Variants in DPF3 observed in about 807,000 individuals in gnomAD.
The protein encoded by DPF3 is zinc finger protein DPF3.
A neutral mutation model predicts 56.8 loss-of-function variants in DPF3; 18 were observed. The ratio of observed to expected loss-of-function variants is 0.32; its 90% CI spans 0.22 to 0.47. DPF3 has a LOEUF of 0.47. Among genes scored for constraint, DPF3 ranks in the 20% least tolerant of loss-of-function variants. DPF3 has a pLI of 1.00. For synonymous variants in DPF3, 188 were observed against 180.2 expected (o/e 1.04, Z -0.35); for missense variants, 403 against 488.8 (o/e 0.82, Z 1.65).
chr14:72,683,554 T>C (rs1307659220), intron 7 of DPF3, among the ~76,000 whole-genome samples: 3 of 152,138 alleles, frequency 2.0e-5, no homozygotes, highest in Non-Finnish European at 4.4e-5. Context: ...AATGATCTGA[T>C]GTTACATAGT....
Position 72,775,703 on chromosome 14 carries a change from A to T in DPF3, c.33-3810T>A, listed in dbSNP as rs539205650. On this transcript the variant is annotated intron_variant, in intron 1 of 10. Transcript: ENST00000556509. ...AAGCTGCAAAAACATGACATTCAAC[A>T]GCCCCTCTACCATCATCTCCAGGGA... is the stretch of plus-strand genomic sequence containing the variant. 2.9e-3 allele frequency among the ~76,000 whole-genome samples: 442 copies of T among 152,302 alleles called. 3 individuals carry two copies. Among genetic ancestry groups the T allele is most frequent in the South Asian group, 0.022 (106 of 4,816 alleles).
chr14:72,843,052 T>G (rs1312527117), intron 1 of DPF3, among the ~76,000 whole-genome samples: 4 of 151,962 alleles, frequency 2.6e-5, no homozygotes, highest in African/African-American at 7.3e-5. Context: ...TAAACATGAT[T>G]AAGGATAAAG....
At chr14:72,819,197 C>T (rs1883421338) in intron 1 of DPF3, among the ~76,000 whole-genome samples, 1 of 152,208 alleles carries the variant, frequency 6.6e-6, no homozygotes, top group Non-Finnish European at 1.5e-5. Flanking sequence ...CTGGTAATGT[C>T]ACCTGCTGGT....
In DPF3 at chr14:72,765,870, C is replaced by T. The variant is rs564691093; in HGVS notation, c.193+5863G>A. 4.8e-4 allele frequency among the ~76,000 whole-genome samples: 73 copies of T among 152,040 alleles called. 1 individual carries two copies. The highest frequency in any genetic ancestry group is 3.1e-3 in the East Asian group (16 of 5,158). On this transcript the variant is annotated intron_variant, in intron 2 of 10. Coordinates refer to ENST00000556509, the MANE Select transcript of DPF3 (RefSeq NM_001280542.3). ...CGGAGCTTGCAGTGAGCAGAGATTGCGCCACTGCACTCCAGCCTGGGCAAC... is the reference window on the plus strand; with the variant it reads ...CGGAGCTTGCAGTGAGCAGAGATTGTGCCACTGCACTCCAGCCTGGGCAAC...
At position 72,614,784 on chromosome 14, in the gene DPF3, A is replaced by AAAAAAAAAAAAG. The variant is rs1883984378; in HGVS notation, c.*4512_*4513insCTTTTTTTTTTT. ...CCAGGATCACAAGCCTCAGAAAAAA[A>AAAAAAAAAAAAG]AAAAAGAGTTACAATCACTGTTCAC... On this transcript the variant is annotated 3_prime_UTR_variant, in exon 11 of 11. Coordinates refer to ENST00000556509, the MANE Select transcript of DPF3 (RefSeq NM_001280542.3). 2.0e-5 allele frequency among the ~76,000 whole-genome samples: 3 copies of AAAAAAAAAAAAG among 150,754 alleles called. No homozygotes were observed. Among genetic ancestry groups the AAAAAAAAAAAAG allele is most frequent in the Admixed American group, 6.6e-5 (1 of 15,162 alleles).
At chr14:72,839,302 TC>T (rs1367079539) in intron 1 of DPF3, among the ~76,000 whole-genome samples, 2 of 152,106 alleles carry the variant, frequency 1.3e-5, no homozygotes, top group Non-Finnish European at 2.9e-5. Context: ...AAAGAGGGAC[TC>T]CCAAGTAATA....
rs867810881 is a variant in DPF3 at position 72,885,601 on chromosome 14, A to C, written c.32+8456T>G. Among the ~76,000 whole-genome samples the C allele has an allele frequency of 4.0e-5, 6 of 151,810 alleles. No homozygotes were observed. In the Middle Eastern group the frequency reaches 0.014, roughly 344 times the overall value. On this transcript the variant is annotated intron_variant, in intron 1 of 10. Coordinates refer to ENST00000556509, the MANE Select transcript of DPF3 (RefSeq NM_001280542.3). Reference sequence around the variant, plus strand: ...TTATTTTTTGTAGCGACAGGGTCTCATGATATGTCCAGGCTGGTCTTGAAT... The same window carrying C: ...TTATTTTTTGTAGCGACAGGGTCTCCTGATATGTCCAGGCTGGTCTTGAAT...
At chr14:72,755,505 C>A (rs1319224080) in intron 2 of DPF3, among the ~76,000 whole-genome samples, 5 of 152,158 alleles carry the variant, frequency 3.3e-5, no homozygotes, top group African/African-American at 1.2e-4. Flanking sequence ...CCTTTCTGAG[C>A]CTATTGCCTC....
intron 2 of DPF3, among the ~76,000 whole-genome samples, chr14:72,765,588 T>C (rs947375846): frequency 1.5e-4 from 23 of 152,186 alleles, no homozygotes; most frequent in Non-Finnish European, 3.1e-4. Context: ...AAAGGAATTA[T>C]TGATATAGTA....
intron 5 of DPF3, among the ~76,000 whole-genome samples, chr14:72,722,205 A>G (rs935554541): frequency 6.6e-6 from 1 of 152,332 alleles, no homozygotes; most frequent in Non-Finnish European, 1.5e-5. Flanking sequence ...TCAAACAAAC[A>G]CAAATCAACA....
At chr14:72,692,930 TG>T in intron 7 of DPF3, 145 bp downstream of exon 7, 4 of 1,396,126 alleles carry the variant, frequency 2.9e-6, no homozygotes, top group Non-Finnish European at 3.9e-6. Context: ...GCTGGCTGGC[TG>T]AAAGGGCCAA....
Position 72,756,163 on chromosome 14 carries a change from T to A in DPF3, c.194-2792A>T, listed in dbSNP as rs1179678824. Reference sequence around the variant, plus strand: ...GACAAGAGGGGAAACCAGTCCTCCCTGGTAACCAAGGCCACTGCCACCCCT... The same window carrying A: ...GACAAGAGGGGAAACCAGTCCTCCCAGGTAACCAAGGCCACTGCCACCCCT... On this transcript the variant is annotated intron_variant, in intron 2 of 10. Coordinates refer to ENST00000556509, the MANE Select transcript of DPF3 (RefSeq NM_001280542.3). Among the ~76,000 whole-genome samples the A allele has an allele frequency of 1.3e-5, 2 of 152,154 alleles. 1 individual carries two copies. Among genetic ancestry groups the A allele is most frequent in the Admixed American group, 1.3e-4 (2 of 15,280 alleles).
At chr14:72,856,932 A>G (rs1424862312) in intron 1 of DPF3, among the ~76,000 whole-genome samples, 1 of 152,212 alleles carries the variant, frequency 6.6e-6, no homozygotes, top group Non-Finnish European at 1.5e-5. Context: ...GGGAAGTGCC[A>G]GCCATCCTGG....
chr14:72,884,923 C>T (rs111445181), intron 1 of DPF3, among the ~76,000 whole-genome samples: 1 of 54,968 alleles, frequency 1.8e-5, no homozygotes, highest in Middle Eastern at 0.013. Flanking sequence ...GGTGAAACCC[C>T]GTCTCTACTA....
At chr14:72,873,358 CA>C (rs1567266343) in intron 1 of DPF3, among the ~76,000 whole-genome samples, 1 of 152,180 alleles carries the variant, frequency 6.6e-6, no homozygotes, top group Admixed American at 6.5e-5. Flanking sequence ...AAATGCAAAT[CA>C]AAACCACAAT....
At chr14:72,861,747 G>GAGAAAGAAAGA (rs1555513990) in intron 1 of DPF3, among the ~76,000 whole-genome samples, 1 of 15,624 alleles carries the variant, frequency 6.4e-5, no homozygotes, top group Non-Finnish European at 1.3e-4. Flanking sequence ...GAGAAAGAAA[G>GAGAAAGAAAGA]AAAGAAAGAA....
intron 6 of DPF3, among the ~76,000 whole-genome samples, chr14:72,706,656 AACCTGGCAGACCC>A (rs1207437294): frequency 6.6e-6 from 1 of 152,124 alleles, no homozygotes; most frequent in Non-Finnish European, 1.5e-5. Flanking sequence ...AGCTCTCTGC[AACCTGGCAGACCC>A]ATCAGGCTCC....
intron 3 of DPF3, among the ~76,000 whole-genome samples, chr14:72,746,285 G>A (rs539967447): frequency 6.6e-6 from 1 of 152,326 alleles, no homozygotes; most frequent in East Asian, 1.9e-4. Flanking sequence ...GATGGGCCCT[G>A]GCTGCTTGGA....
chr14:72,781,247 C>T (rs1567230852), intron 1 of DPF3, among the ~76,000 whole-genome samples: 2 of 152,172 alleles, frequency 1.3e-5, no homozygotes, highest in Admixed American at 6.5e-5. Flanking sequence ...GCAGACTAAT[C>T]CCACAAAAGT....
Sources: allele counts gnomAD v4.1 joint callset (sites outside exome capture counted in the v4.1 genomes callset), GRCh38; gene constraint gnomAD v4.1.1; transcripts MANE v1.5; gene names NCBI Gene and HGNC (gene_info 2026-07-23, HGNC 2026-07-21).